Variants in CACNA2D1 observed in about 807,000 individuals in gnomAD.
CACNA2D1 encodes the protein voltage-dependent calcium channel subunit alpha-2/delta-1.
Under a neutral mutation model 171.5 loss-of-function variants are expected in CACNA2D1, and 53 were observed. The ratio of observed to expected loss-of-function variants is 0.31; its 90% confidence interval spans 0.25 to 0.39. The LOEUF is 0.39. Ranked by LOEUF, CACNA2D1 falls within the 10% of genes least tolerant of loss-of-function variation. The pLI, the probability that CACNA2D1 is intolerant of heterozygous loss-of-function variation, is 1.00. For synonymous variants in CACNA2D1, 442 were observed against 443.1 expected (o/e 1.00, Z 0.03); for missense variants, 903 against 1,299.8 (o/e 0.69, Z 4.69).
At chr7:82,127,265 C>T (rs1392812302) in intron 5 of CACNA2D1, among the ~76,000 whole-genome samples, 1 of 152,200 alleles carries the variant, frequency 6.6e-6, no homozygotes, top group African/African-American at 2.4e-5. Flanking sequence ...ATTAAGGAAG[C>T]AAATGTCTAT....
intron 1 of CACNA2D1, among the ~76,000 whole-genome samples, chr7:82,357,775 T>C: frequency 6.6e-6 from 1 of 150,420 alleles, no homozygotes; most frequent in African/African-American, 2.4e-5. Context: ...GACCAGTTAA[T>C]GGGTGCAGCA....
intron 1 of CACNA2D1, among the ~76,000 whole-genome samples, chr7:82,412,533 T>C (rs996322844): frequency 6.6e-6 from 1 of 152,004 alleles, no homozygotes. Context: ...TCTGCCCGCC[T>C]CAGCCTCCCA....
intron 3 of CACNA2D1, among the ~76,000 whole-genome samples, chr7:82,311,612 A>T (rs927171718): frequency 6.6e-6 from 1 of 152,166 alleles, no homozygotes; most frequent in Admixed American, 6.5e-5. Context: ...CAATTTAAAC[A>T]TTTACCTTTC....
chr7:82,145,843 T>G (rs1311323920), intron 4 of CACNA2D1, among the ~76,000 whole-genome samples: 2 of 151,230 alleles, frequency 1.3e-5, no homozygotes, highest in Non-Finnish European at 3.0e-5. Context: ...TAATCTACAT[T>G]AAAATATAAA....
At chr7:82,131,647 T>C (rs1328394292) in intron 5 of CACNA2D1, among the ~76,000 whole-genome samples, 1 of 152,214 alleles carries the variant, frequency 6.6e-6, no homozygotes, top group African/African-American at 2.4e-5. Context: ...CCCACTGTTT[T>C]ATTAGTTGAT....
chr7:82,360,056 C>A (rs999923086), intron 1 of CACNA2D1, among the ~76,000 whole-genome samples: 1 of 152,108 alleles, frequency 6.6e-6, no homozygotes, highest in African/African-American at 2.4e-5. Context: ...AGCAGTTTGC[C>A]CTGAGAAGCC....
chr7:82,186,858 C>A (rs1585042446), intron 3 of CACNA2D1, among the ~76,000 whole-genome samples: 1 of 152,002 alleles, frequency 6.6e-6, no homozygotes, highest in African/African-American at 2.4e-5. Context: ...GCTTTCCACT[C>A]ATTACATATA....
At chr7:82,038,782 A>G (rs1037620370) in intron 10 of CACNA2D1, among the ~76,000 whole-genome samples, 2 of 152,206 alleles carry the variant, frequency 1.3e-5, no homozygotes, top group African/African-American at 2.4e-5. Flanking sequence ...CCTTTTAGAA[A>G]TATCACTTTA....
At position 81,967,350 on chromosome 7, in the gene CACNA2D1, G is replaced by C. The variant is rs866437588; in HGVS notation, c.2464-143C>G. On this transcript the variant is annotated intron_variant, in intron 30 of 38. Transcript: ENST00000356860. The stretch of plus-strand genomic sequence containing the variant: ...ACAGTCTAGTCTATAAGAAACAAAA[G>C]TTTTATCTTATTAGACAATGTCAAT... 56 of 737,634 alleles carry C rather than the reference G, an allele frequency of 7.6e-5. No individual in the cohort carries two copies. The Middle Eastern group carries it at 2.3e-3, about 30-fold the overall frequency. 45.7% of individuals were successfully genotyped at this position (737,634 alleles called of 1,614,324 possible).
chr7:82,422,140 G>T (rs1585905173), intron 1 of CACNA2D1, among the ~76,000 whole-genome samples: 1 of 152,172 alleles, frequency 6.6e-6, no homozygotes, highest in East Asian at 1.9e-4. Context: ...ATGTTTAAGG[G>T]TCATCTTGCC....
At chr7:82,121,708 TAAC>T (rs1476698273) in intron 5 of CACNA2D1, among the ~76,000 whole-genome samples, 1 of 152,090 alleles carries the variant, frequency 6.6e-6, no homozygotes, top group Non-Finnish European at 1.5e-5. Flanking sequence ...TACTGAATCA[TAAC>T]AAAAAATAAA....
chr7:82,113,057 TTC>T (rs1788638050), intron 6 of CACNA2D1, among the ~76,000 whole-genome samples: 1 of 152,150 alleles, frequency 6.6e-6, no homozygotes, highest in Non-Finnish European at 1.5e-5. Context: ...GTATTTTTAC[TTC>T]TAAAACGTAA....
intron 5 of CACNA2D1, among the ~76,000 whole-genome samples, chr7:82,122,276 CTTGT>C (rs1431104065): frequency 6.6e-6 from 1 of 152,158 alleles, no homozygotes; most frequent in East Asian, 1.9e-4. Context: ...CCTGCAATAA[CTTGT>C]TTATTAAATT....
chr7:82,051,582 C>T (rs908785377), intron 10 of CACNA2D1, among the ~76,000 whole-genome samples: 3 of 152,108 alleles, frequency 2.0e-5, no homozygotes, highest in African/African-American at 7.2e-5. Context: ...ACATGTGCAT[C>T]TAATTCTTTA....
chr7:82,084,690 G>C lies in CACNA2D1; in HGVS notation c.658+79C>G, dbSNP rs1411870083. On this transcript the variant is annotated intron_variant, in intron 7 of 38. Coordinates refer to ENST00000356860, the MANE Select transcript of CACNA2D1 (RefSeq NM_000722.4). ...GTGATATAGTCATATTTTTCTTACA[G>C]TATCAGGGAAGATAACAGAGTATTC... The C allele has an allele frequency of 1.4e-5, 20 of 1,462,902 alleles. No homozygotes were observed. In the East Asian group the frequency reaches 4.5e-4, roughly 33 times the overall value. 90.6% of individuals were successfully genotyped at this position (1,462,902 alleles called of 1,614,324 possible). A position where few individuals can be genotyped will look rare whatever the true frequency, so the allele number is the denominator to read the frequency against.
In CACNA2D1 at chr7:81,962,493, G is replaced by T; in HGVS notation, c.2783C>A (p.Ser928Tyr). 1.3e-6 allele frequency: 2 copies of T among 1,587,986 alleles called. No homozygotes were observed. The highest frequency in any genetic ancestry group is 1.7e-6 in the Non-Finnish European group (2 of 1,163,830). Residue 928 changes from serine (S) to tyrosine (Y), a missense_variant and splice_region_variant, in exon 35 of 39, where the codon TCT (serine) becomes TAT (tyrosine). Physicochemically the swap from Ser to Tyr is moderately radical, Grantham distance 144 (BLOSUM62 -2). Around this residue, in one of 5 missense-constraint regions of CACNA2D1, gnomAD observed 623 missense variants for 925.5 expected, o/e 0.67. Transcript: ENST00000356860. Reference protein sequence around the residue: ...IGWWATAAAWSILQQFLLSLT... With the variant: ...IGWWATAAAWYILQQFLLSLT... ...ACTCAAGAGAAACTGCTGTAGAATA[G>T]ACCTGAATTTTTCAAATAAAAAAAA...
chr7:81,952,081 T>A (rs1484410715), intron 38 of CACNA2D1, among the ~76,000 whole-genome samples: 1 of 150,814 alleles, frequency 6.6e-6, no homozygotes, highest in East Asian at 2.0e-4. Flanking sequence ...CCCTGATAAT[T>A]AGTGATGTTG....
chr7:82,335,343 T>G, intron 2 of CACNA2D1, 92 bp from the exon 3 acceptor site: 1 of 786,006 alleles, frequency 1.3e-6, no homozygotes, highest in Admixed American at 1.9e-5. Flanking sequence ...TATAAACAAC[T>G]GATTAGAAAC....
intron 4 of CACNA2D1, among the ~76,000 whole-genome samples, chr7:82,138,618 T>C (rs1345165489): frequency 2.0e-5 from 3 of 152,012 alleles, no homozygotes; most frequent in Admixed American, 1.3e-4. Flanking sequence ...CGCTAATTTT[T>C]TGTATTTTTA....
Sources: gnomAD v4.1 joint callset for allele counts (sites outside exome capture counted in the v4.1 genomes callset) on GRCh38, gnomAD v4.1.1 for gene constraint, gnomAD v4.1.1 regional missense constraint, MANE v1.5 for transcripts, NCBI Gene and HGNC (gene_info 2026-07-23, HGNC 2026-07-21) for gene names.